The following FAM13A variants were observed in gnomAD, a reference collection of about 807,000 sequenced individuals.
The protein encoded by FAM13A is family with sequence similarity 13 member A, also known as protein FAM13A.
Under a neutral mutation model 129.6 loss-of-function variants are expected in FAM13A, and 76 were observed. The observed-to-expected ratio is 0.59, with a 90% CI of 0.49 to 0.71. The LOEUF (loss-of-function observed/expected upper bound fraction) is 0.71. Ranked by LOEUF, FAM13A falls within the 30% of genes least tolerant of loss-of-function variation. The pLI is 0.00. For missense variants in FAM13A, 1,108 were observed against 1,249.3 expected, an observed-to-expected ratio of 0.89 and a Z score of 1.70; for synonymous variants, 443 against 449.9, an observed-to-expected ratio of 0.98 and a Z score of 0.20.
Position 88,781,162 on chromosome 4 carries a change from T to C in FAM13A, c.1458+3A>G. On this transcript the variant is annotated splice_donor_region_variant and intron_variant, in intron 11 of 23. Coordinates refer to ENST00000264344, the MANE Select transcript of FAM13A (RefSeq NM_014883.4). The stretch of plus-strand genomic sequence containing the variant: ...GTAAAACTTTATAGACGTATTCACT[T>C]ACCACAAGACCGTCCTGATTGTCAT... The C allele has an allele frequency of 1.3e-6, 2 of 1,575,800 alleles. No homozygotes were observed. Among genetic ancestry groups the C allele is most frequent in the South Asian group, 1.2e-5 (1 of 84,768 alleles).
At chr4:88,827,933 G>T (rs924868875) in intron 7 of FAM13A, among the ~76,000 whole-genome samples, 1 of 152,038 alleles carries the variant, frequency 6.6e-6, no homozygotes, top group Non-Finnish European at 1.5e-5. Flanking sequence ...ACCCCAATTT[G>T]CCTCTCCAGT....
At chr4:88,913,374 AGAGGAG>A (rs201023549) in intron 5 of FAM13A, among the ~76,000 whole-genome samples, 45 of 147,328 alleles carry the variant, frequency 3.1e-4, no homozygotes, top group African/African-American at 9.9e-4. Flanking sequence ...AAGAGGAAGA[AGAGGAG>A]GAGGAGGAGG....
intron 6 of FAM13A, among the ~76,000 whole-genome samples, chr4:88,891,408 A>G (rs1745295890): frequency 6.6e-6 from 1 of 152,134 alleles, no homozygotes; most frequent in Non-Finnish European, 1.5e-5. Flanking sequence ...TGAGACAGAG[A>G]GAACCTGCCT....
intron 3 of FAM13A, among the ~76,000 whole-genome samples, chr4:89,017,758 T>C (rs191825736): frequency 1.1e-4 from 17 of 152,276 alleles, no homozygotes; most frequent in African/African-American, 4.1e-4. Flanking sequence ...GTAAAAAGGA[T>C]TTAATGTTTC....
chr4:88,968,430 G>A (rs1486801216), intron 4 of FAM13A, among the ~76,000 whole-genome samples: 1 of 152,146 alleles, frequency 6.6e-6, no homozygotes, highest in Non-Finnish European at 1.5e-5. Flanking sequence ...AATTGACTCT[G>A]AAAAAAGCTT....
At chr4:88,838,558 T>C (rs2149920242) in intron 7 of FAM13A, among the ~76,000 whole-genome samples, 2 of 152,152 alleles carry the variant, frequency 1.3e-5, no homozygotes, top group East Asian at 1.9e-4. Flanking sequence ...ATCCCGCCTC[T>C]ATTAAAAACT....
chr4:88,834,005 T>C (rs1734360880), intron 7 of FAM13A, among the ~76,000 whole-genome samples: 1 of 149,556 alleles, frequency 6.7e-6, no homozygotes, highest in South Asian at 2.1e-4. Context: ...AATTCCCACC[T>C]CAGGCTCCCA....
At position 89,029,649 on chromosome 4, in the gene FAM13A, G is replaced by A; in HGVS notation, c.28C>T (p.Gln10Ter). The A allele has an allele frequency of 6.4e-7, 1 of 1,568,484 alleles. No homozygotes were observed. The highest frequency in any genetic ancestry group is 8.6e-7 in the Non-Finnish European group (1 of 1,165,566). The change falls in exon 2 of 24, where the codon CAA becomes TAA. Residue 10 changes from glutamine to a stop codon, truncating the protein, a stop_gained and splice_region_variant. Transcript: ENST00000264344. LOFTEE classifies it high-confidence loss of function. Reference sequence around the variant, plus strand: ...TTCAGCCGAACCGCTGCTTTACTTTGCTTAAAGGAGCGTAAGAAAAAAGAG... The same window carrying A: ...TTCAGCCGAACCGCTGCTTTACTTTACTTAAAGGAGCGTAAGAAAAAAGAG... MGAGALAIC[Q>*]SKAAVRLKED...
At chr4:88,806,125 T>G (rs1728507433) in intron 7 of FAM13A, among the ~76,000 whole-genome samples, 1 of 152,104 alleles carries the variant, frequency 6.6e-6, no homozygotes. Context: ...AATTATGCAC[T>G]CATAAAACTT....
Position 88,859,402 on chromosome 4 carries a change from C to T in FAM13A, c.844-8219G>A, listed in dbSNP as rs201465333. ...CTGATCTTAGTCAGGACTCTCAGCC[C>T]GTCCAGGAGATGGGAAGGAAGAAGG... On this transcript the variant is annotated intron_variant, in intron 6 of 23. Coordinates refer to ENST00000264344, the MANE Select transcript of FAM13A (RefSeq NM_014883.4). 7.9e-5 allele frequency among the ~76,000 whole-genome samples: 12 copies of T among 152,126 alleles called. No individual in the cohort carries two copies. In the East Asian group the frequency reaches 1.7e-3, roughly 22 times the overall value.
intron 4 of FAM13A, among the ~76,000 whole-genome samples, chr4:88,946,397 C>T (rs896241799): frequency 4.8e-5 from 5 of 104,268 alleles, no homozygotes; most frequent in African/African-American, 1.1e-4. Flanking sequence ...TTTGCTCCCG[C>T]GTTCTTTTTT....
intron 5 of FAM13A, among the ~76,000 whole-genome samples, chr4:88,920,670 C>A (rs1390570085): frequency 6.6e-6 from 1 of 152,214 alleles, no homozygotes; most frequent in African/African-American, 2.4e-5. Context: ...GAACGCAGTT[C>A]CTCACCAGCA....
chr4:88,968,694 T>A (rs75620997), intron 4 of FAM13A, among the ~76,000 whole-genome samples: 4 of 152,320 alleles, frequency 2.6e-5, no homozygotes, highest in East Asian at 1.9e-4. Context: ...CCTTTTTTTT[T>A]ACTTCATGTT....
At chr4:89,021,591 G>A (rs1242772355) in intron 2 of FAM13A, among the ~76,000 whole-genome samples, 1 of 152,114 alleles carries the variant, frequency 6.6e-6, no homozygotes, top group Non-Finnish European at 1.5e-5. Context: ...AACAGGAAAG[G>A]GTCTGTGACA....
At chr4:88,971,600 T>C (rs1296681882) in intron 4 of FAM13A, among the ~76,000 whole-genome samples, 1 of 152,130 alleles carries the variant, frequency 6.6e-6, no homozygotes, top group Non-Finnish European at 1.5e-5. Flanking sequence ...TTGAACTCCT[T>C]GGCTCAAGAG....
chr4:88,921,345 C>T (rs1358373422), intron 5 of FAM13A, among the ~76,000 whole-genome samples: 14 of 152,166 alleles, frequency 9.2e-5, no homozygotes, highest in South Asian at 4.1e-4. Context: ...AGACTAACAG[C>T]GGATCTCTCG....
chr4:88,854,837 T>C (rs915622394), intron 6 of FAM13A, among the ~76,000 whole-genome samples: 1 of 152,228 alleles, frequency 6.6e-6, no homozygotes, highest in African/African-American at 2.4e-5. Flanking sequence ...AACAAATGAA[T>C]GTTCTTTGAG....
intron 6 of FAM13A, among the ~76,000 whole-genome samples, chr4:88,858,061 T>G (rs143665996): frequency 3.2e-4 from 48 of 152,304 alleles, no homozygotes; most frequent in African/African-American, 1.1e-3. Flanking sequence ...GGTACAGAGA[T>G]CACAAGAATC....
intron 4 of FAM13A, among the ~76,000 whole-genome samples, chr4:88,953,779 C>T (rs1270372760): frequency 1.3e-5 from 2 of 152,172 alleles, no homozygotes; most frequent in Non-Finnish European, 2.9e-5. Context: ...AAGGCTCATC[C>T]ATTTCCTTCC....
Sources: allele counts gnomAD v4.1 joint callset (sites outside exome capture counted in the v4.1 genomes callset), GRCh38; gene constraint gnomAD v4.1.1; transcripts MANE v1.5; gene names NCBI Gene and HGNC (gene_info 2026-07-23, HGNC 2026-07-21).